FBXL17: variants seen among roughly 807,000 people sequenced by gnomAD.
The protein encoded by FBXL17 is F-box and leucine rich repeat protein 17.
A neutral mutation model predicts 66.2 loss-of-function variants in FBXL17; 22 were observed. The ratio of observed to expected loss-of-function variants is 0.33; its 90% CI spans 0.24 to 0.47. The LOEUF is 0.47. FBXL17 is among the 20% of genes least tolerant of loss of function. The probability of loss-of-function intolerance (pLI) is 1.00; values close to 1 mark genes in which losing one functional copy is unlikely to be tolerated. For missense variants in FBXL17, 878 were observed against 948.2 expected (o/e 0.93, Z 0.97); for synonymous variants, 474 against 400.5 (o/e 1.18, Z -2.19).
chr5:107,862,240 G>A (rs1748143876), intron 8 of FBXL17, among the ~76,000 whole-genome samples: 1 of 151,736 alleles, frequency 6.6e-6, no homozygotes, highest in Non-Finnish European at 1.5e-5. Flanking sequence ...GCCTTTTTAG[G>A]ACAAAAATTG....
intron 6 of FBXL17, among the ~76,000 whole-genome samples, chr5:108,136,493 A>G (rs926817427): frequency 2.6e-5 from 4 of 152,176 alleles, no homozygotes; most frequent in Non-Finnish European, 5.9e-5. Context: ...TGTAAGAACT[A>G]GTTTTTCTTG....
At chr5:108,204,255 T>G (rs1754019783) in intron 5 of FBXL17, among the ~76,000 whole-genome samples, 1 of 152,134 alleles carries the variant, frequency 6.6e-6, no homozygotes, top group Admixed American at 6.6e-5. Flanking sequence ...AGTGGCATGA[T>G]CATGGCTCAC....
At chr5:108,289,811 T>C (rs1172932177) in intron 4 of FBXL17, among the ~76,000 whole-genome samples, 1 of 152,114 alleles carries the variant, frequency 6.6e-6, no homozygotes, top group Non-Finnish European at 1.5e-5. Flanking sequence ...CACGATAACA[T>C]CCTTAAAGCA....
intron 4 of FBXL17, among the ~76,000 whole-genome samples, chr5:108,243,922 G>T (rs923053636): frequency 6.6e-6 from 1 of 152,166 alleles, no homozygotes; most frequent in African/African-American, 2.4e-5. Flanking sequence ...AAGAACAGTG[G>T]AAGAGCTCTG....
At chr5:108,116,076 G>T (rs1472732285) in intron 6 of FBXL17, among the ~76,000 whole-genome samples, 2 of 152,094 alleles carry the variant, frequency 1.3e-5, no homozygotes, top group Admixed American at 1.3e-4. Context: ...TGAAATAAAG[G>T]TGACAGTGAA....
chr5:108,356,064 C>T lies in FBXL17; in HGVS notation c.1375-7534G>A, dbSNP rs1203695009. 3.3e-5 allele frequency among the ~76,000 whole-genome samples: 5 copies of T among 151,984 alleles called. No individual in the cohort carries two copies. The East Asian group carries it at 9.7e-4, about 29-fold the overall frequency. On this transcript the variant is annotated intron_variant, in intron 3 of 8. Transcript: ENST00000542267. ...AAAGATATGCCATATTAATACTAAT[C>T]AAAAGAAAGCAGAAGTAGCTACATT...
Position 108,194,058 on chromosome 5 carries a change from T to C in FBXL17, c.1615-7811A>G, listed in dbSNP as rs187392037. Among the ~76,000 whole-genome samples, 466 of 152,232 alleles carry C rather than the reference T, an allele frequency of 3.1e-3. 3 individuals are homozygous for C. Among genetic ancestry groups the C allele is most frequent in the Non-Finnish European group, 2.7e-3 (185 of 68,026 alleles). Reference sequence around the variant, plus strand: ...AACAACTTTGATCAAATCTCCCACCTTCTCCAAAGCCTTTAGGGAACAAAA... The same window carrying C: ...AACAACTTTGATCAAATCTCCCACCCTCTCCAAAGCCTTTAGGGAACAAAA... On this transcript the variant is annotated intron_variant, in intron 5 of 8. Coordinates refer to ENST00000542267, the MANE Select transcript of FBXL17 (RefSeq NM_001163315.3).
chr5:108,094,211 C>A (rs1749288006), intron 6 of FBXL17, among the ~76,000 whole-genome samples: 2 of 152,040 alleles, frequency 1.3e-5, no homozygotes, highest in South Asian at 4.1e-4. Flanking sequence ...AAATTAAGCT[C>A]CCTTGACCAT....
intron 4 of FBXL17, among the ~76,000 whole-genome samples, chr5:108,303,123 A>G (rs1039198296): frequency 2.6e-5 from 4 of 151,930 alleles, no homozygotes; most frequent in Non-Finnish European, 2.9e-5. Context: ...CAAAAAAATC[A>G]TAAGACTTGT....
chr5:107,988,436 T>C (rs115911435), intron 7 of FBXL17, among the ~76,000 whole-genome samples: 2,620 of 152,102 alleles, frequency 0.017, 32 homozygotes, highest in Non-Finnish European at 0.026. Flanking sequence ...TCAACACCTT[T>C]AGAGCACTGA....
chr5:107,948,651 T>G (rs1751392897), intron 7 of FBXL17, among the ~76,000 whole-genome samples: 1 of 152,220 alleles, frequency 6.6e-6, no homozygotes, highest in Non-Finnish European at 1.5e-5. Context: ...TGTCAATGGC[T>G]TTTGAATTAA....
At chr5:107,909,110 G>A (rs1056407258) in intron 7 of FBXL17, among the ~76,000 whole-genome samples, 9 of 152,122 alleles carry the variant, frequency 5.9e-5, no homozygotes, top group Non-Finnish European at 1.3e-4. Context: ...GGTAAAAAAT[G>A]AACAAAATTA....
intron 3 of FBXL17, among the ~76,000 whole-genome samples, chr5:108,363,693 TTACTAGGTA>T (rs1422335371): frequency 6.6e-6 from 1 of 151,922 alleles, no homozygotes; most frequent in East Asian, 1.9e-4. Flanking sequence ...TTCACAAAAA[TTACTAGGTA>T]TACCCTAAGA....
At chr5:108,110,246 CTCTTA>C (rs1410204380) in intron 6 of FBXL17, among the ~76,000 whole-genome samples, 1 of 152,074 alleles carries the variant, frequency 6.6e-6, no homozygotes, top group Non-Finnish European at 1.5e-5. Context: ...TTGAATTAAT[CTCTTA>C]TAAGATCCTC....
At position 108,229,960 on chromosome 5, in the gene FBXL17, T is replaced by C. The variant is rs188436138; in HGVS notation, c.1507-5732A>G. On this transcript the variant is annotated intron_variant, in intron 4 of 8. Transcript: ENST00000542267. ...GATATTCAAATGGCCAACGAATACA[T>C]GAAAAAAATGCTCAACATCACTAAT... is the stretch of plus-strand genomic sequence containing the variant. Among the ~76,000 whole-genome samples the C allele has an allele frequency of 4.6e-5, 7 of 152,044 alleles. No homozygotes were observed. The East Asian group carries it at 1.4e-3, about 29-fold the overall frequency.
intron 6 of FBXL17, among the ~76,000 whole-genome samples, chr5:108,178,652 C>T (rs2150024321): frequency 6.6e-6 from 1 of 152,294 alleles, no homozygotes; most frequent in African/African-American, 2.4e-5. Context: ...TTTACTAAAG[C>T]TTCACCTAAC....
intron 7 of FBXL17, among the ~76,000 whole-genome samples, chr5:107,917,545 C>G (rs928691004): frequency 6.6e-6 from 1 of 152,134 alleles, no homozygotes; most frequent in Non-Finnish European, 1.5e-5. Context: ...AGCACAGAAC[C>G]GAATAAACAG....
intron 7 of FBXL17, among the ~76,000 whole-genome samples, chr5:107,938,349 C>A (rs953488792): frequency 6.7e-6 from 1 of 150,210 alleles, no homozygotes; most frequent in Admixed American, 6.6e-5. Context: ...AATCAAAAAA[C>A]GGGGTAGCTC....
intron 6 of FBXL17, among the ~76,000 whole-genome samples, chr5:108,159,750 G>A (rs952628795): frequency 6.6e-6 from 1 of 152,154 alleles, no homozygotes; most frequent in Non-Finnish European, 1.5e-5. Context: ...TGTTCGGATA[G>A]ACTTTAAATA....
Sources: allele counts gnomAD v4.1 joint callset (sites outside exome capture counted in the v4.1 genomes callset), GRCh38; gene constraint gnomAD v4.1.1; transcripts MANE v1.5; gene names NCBI Gene and HGNC (gene_info 2026-07-23, HGNC 2026-07-21).